SORD: variants seen among roughly 807,000 people sequenced by gnomAD.
The protein encoded by SORD is sorbitol dehydrogenase.
In SORD, 18 loss-of-function variants were observed where a neutral mutation model predicts 35.6. The observed-to-expected ratio is 0.51, with a 90% confidence interval of 0.35 to 0.75. The LOEUF is 0.75. Among genes scored for constraint, SORD ranks in the 30% least tolerant of loss-of-function variants. The probability of loss-of-function intolerance (pLI) is 0.01; values close to 1 mark genes in which losing one functional copy is unlikely to be tolerated. For missense variants in SORD, 250 were observed against 390.2 expected (o/e 0.64, Z 3.03); for synonymous variants, 106 against 152.9 (o/e 0.69, Z 2.26).
At chr15:45,041,651 T>C (rs1288205997) in intron 2 of SORD, 2 of 152,226 alleles carry the variant, frequency 1.3e-5, no homozygotes, top group East Asian at 1.9e-4. Context: ...CAAGATACCA[T>C]GTTCAGAGAA....
intron 6 of SORD, among the ~76,000 whole-genome samples, chr15:45,068,572 C>G (rs1445875891): frequency 2.0e-3 from 294 of 150,720 alleles, no homozygotes; most frequent in Non-Finnish European, 3.6e-3. Context: ...TTGGGCCCCA[C>G]ATAAAATACC....
intron 2 of SORD, chr15:45,042,426 A>AAG (rs1892981787): frequency 6.6e-6 from 1 of 152,108 alleles, no homozygotes; most frequent in Non-Finnish European, 1.5e-5. Flanking sequence ...GGGGAGGTGG[A>AAG]GATTGCAGTA....
intron 3 of SORD, among the ~76,000 whole-genome samples, chr15:45,060,120 CT>C (rs1893278251): frequency 6.6e-6 from 1 of 152,070 alleles, no homozygotes; most frequent in Admixed American, 6.6e-5. Flanking sequence ...GATATGCAGG[CT>C]GAAGCATTTA....
chr15:45,035,808 C>T (rs989743334), intron 1 of SORD, among the ~76,000 whole-genome samples: 1 of 141,980 alleles, frequency 7.0e-6, no homozygotes, highest in African/African-American at 2.7e-5. Context: ...CAACTCCAGA[C>T]GCGCCGCCTT....
chr15:45,029,938 G>A (rs1474804601), intron 1 of SORD, among the ~76,000 whole-genome samples: 3 of 152,242 alleles, frequency 2.0e-5, no homozygotes, highest in African/African-American at 7.2e-5. Flanking sequence ...CGTATTGATG[G>A]GTTTGTGAGT....
intron 8 of SORD, among the ~76,000 whole-genome samples, chr15:45,072,796 A>G (rs1299373829): frequency 7.0e-6 from 1 of 142,654 alleles, no homozygotes; most frequent in Admixed American, 6.7e-5. Context: ...GACAAAAGGA[A>G]GAAATCAAGT....
chr15:45,048,060 G>T (rs922933831), intron 3 of SORD, among the ~76,000 whole-genome samples: 2 of 152,082 alleles, frequency 1.3e-5, no homozygotes, highest in African/African-American at 2.4e-5. Context: ...CACAGGGCTG[G>T]GTATCTGCAT....
At chr15:45,064,845 G>C (rs1018005766) in intron 4 of SORD, among the ~76,000 whole-genome samples, 8 of 152,172 alleles carry the variant, frequency 5.3e-5, no homozygotes, top group Non-Finnish European at 7.4e-5. Flanking sequence ...CCATACCGTA[G>C]CTTGGATAGC....
intron 3 of SORD, among the ~76,000 whole-genome samples, chr15:45,049,470 A>T (rs1893094533): frequency 6.6e-6 from 1 of 152,222 alleles, no homozygotes; most frequent in Admixed American, 6.5e-5. Context: ...AATGTGGGTT[A>T]TTAGAAGACA....
At chr15:45,056,364 C>A (rs1893216301) in intron 3 of SORD, among the ~76,000 whole-genome samples, 1 of 152,104 alleles carries the variant, frequency 6.6e-6, no homozygotes, top group African/African-American at 2.4e-5. Context: ...AGAGCCAAAT[C>A]ATGAGTGAAC....
At chr15:45,046,321 C>T (rs1203921145) in intron 3 of SORD, among the ~76,000 whole-genome samples, 1 of 152,196 alleles carries the variant, frequency 6.6e-6, no homozygotes, top group Non-Finnish European at 1.5e-5. Context: ...CAGCTCACTG[C>T]AACCTCAGCC....
At chr15:45,052,951 T>A (rs923206693) in intron 3 of SORD, among the ~76,000 whole-genome samples, 3 of 152,030 alleles carry the variant, frequency 2.0e-5, no homozygotes, top group African/African-American at 7.3e-5. Flanking sequence ...TCTTGGGGGG[T>A]CATCTCAAGT....
chr15:45,059,860 G>C (rs1193565743), intron 3 of SORD, among the ~76,000 whole-genome samples: 2 of 152,156 alleles, frequency 1.3e-5, no homozygotes, highest in Non-Finnish European at 2.9e-5. Context: ...AAAGAAGCAA[G>C]ATTCAAAAGA....
At chr15:45,058,379 A>T (rs1395941152) in intron 3 of SORD, among the ~76,000 whole-genome samples, 2 of 151,790 alleles carry the variant, frequency 1.3e-5, no homozygotes, top group Admixed American at 1.3e-4. Context: ...TTGACAAAAT[A>T]CTCTCCAGCA....
intron 3 of SORD, among the ~76,000 whole-genome samples, chr15:45,056,634 A>G (rs937052505): frequency 1.3e-5 from 2 of 152,246 alleles, no homozygotes; most frequent in African/African-American, 2.4e-5. Context: ...GTAGGGGAGT[A>G]GAGCCAGTTA....
chr15:45,041,474 G>C (rs1892965277), intron 2 of SORD, among the ~76,000 whole-genome samples: 1 of 151,968 alleles, frequency 6.6e-6, no homozygotes, highest in Non-Finnish European at 1.5e-5. Flanking sequence ...GCAGCTTCTG[G>C]GTGAACATCA....
intron 3 of SORD, among the ~76,000 whole-genome samples, chr15:45,046,882 G>A (rs1216300344): frequency 6.6e-6 from 1 of 152,144 alleles, no homozygotes; most frequent in Admixed American, 6.5e-5. Flanking sequence ...GCCAGACGTG[G>A]TGGCATGCAT....
intron 6 of SORD, among the ~76,000 whole-genome samples, chr15:45,068,607 C>CT (rs962762434): frequency 2.6e-5 from 4 of 151,476 alleles, no homozygotes; most frequent in African/African-American, 9.7e-5. Context: ...AGCTGATGAA[C>CT]TTTACAAAAC....
chr15:45,039,290 G>C (rs145659331), intron 1 of SORD, among the ~76,000 whole-genome samples: 2,127 of 152,174 alleles, frequency 0.014, 37 homozygotes, highest in African/African-American at 0.047. Context: ...CACCACGCCC[G>C]GCTAATTTTT....
Sources: gnomAD v4.1 joint callset for allele counts (sites outside exome capture counted in the v4.1 genomes callset) on GRCh38, gnomAD v4.1.1 for gene constraint, MANE v1.5 for transcripts, NCBI Gene and HGNC (gene_info 2026-07-23, HGNC 2026-07-21) for gene names.